Variants in CDH12 observed in about 807,000 individuals in gnomAD.
CDH12 encodes cadherin 12.
CDH12 carries 41 observed loss-of-function variants against 74.1 expected under a neutral mutation model. That is an observed-to-expected ratio of 0.55 (90% CI 0.43 to 0.72). The LOEUF (loss-of-function observed/expected upper bound fraction) is 0.72. CDH12 is among the 30% of genes least tolerant of loss of function. The probability of loss-of-function intolerance (pLI) is 0.00; values close to 1 mark genes in which losing one functional copy is unlikely to be tolerated. For synonymous variants in CDH12, 399 were observed against 355.0 expected, an observed-to-expected ratio of 1.12 and a Z score of -1.39; for missense variants, 945 against 977.2, an observed-to-expected ratio of 0.97 and a Z score of 0.44.
intron 1 of CDH12, among the ~76,000 whole-genome samples, chr5:22,766,751 C>T (rs1009337551): frequency 4.0e-5 from 6 of 151,806 alleles, no homozygotes; most frequent in Non-Finnish European, 2.9e-5. Flanking sequence ...GTTCCCTAAA[C>T]ATTATAGTAC....
chr5:22,000,065 A>G (rs1455850286), intron 5 of CDH12, among the ~76,000 whole-genome samples: 1 of 151,872 alleles, frequency 6.6e-6, no homozygotes, highest in Non-Finnish European at 1.5e-5. Flanking sequence ...GCTGTTATTA[A>G]TGAAGTTCAG....
intron 8 of CDH12, among the ~76,000 whole-genome samples, chr5:21,818,270 C>T (rs202199500): frequency 4.8e-5 from 6 of 125,272 alleles, no homozygotes; most frequent in Non-Finnish European, 1.0e-4. Context: ...TTTAGTTACA[C>T]ATTTGTGGAA....
chr5:22,672,161 A>G (rs1740940333), intron 1 of CDH12, among the ~76,000 whole-genome samples: 1 of 140,774 alleles, frequency 7.1e-6, no homozygotes, highest in Non-Finnish European at 1.5e-5. Context: ...TATATATTAT[A>G]TATATGTATA....
chr5:21,931,023 A>G (rs538689896), intron 6 of CDH12, among the ~76,000 whole-genome samples: 1 of 152,292 alleles, frequency 6.6e-6, no homozygotes, highest in South Asian at 2.1e-4. Context: ...CTCGAGCTTT[A>G]TGTGTATAAA....
At chr5:22,736,735 A>C (rs76460507) in intron 1 of CDH12, among the ~76,000 whole-genome samples, 9,691 of 151,558 alleles carry the variant, frequency 0.064, 356 homozygotes, top group African/African-American at 0.094. Context: ...CACACACACA[A>C]AAAGCCTAGA....
At chr5:22,604,013 T>C (rs1489606531) in intron 1 of CDH12, among the ~76,000 whole-genome samples, 2 of 152,168 alleles carry the variant, frequency 1.3e-5, no homozygotes, top group Non-Finnish European at 1.5e-5. Context: ...CAAGGGAATC[T>C]AGTTCACAGG....
intron 4 of CDH12, among the ~76,000 whole-genome samples, chr5:22,124,399 C>T (rs1377779815): frequency 1.3e-5 from 2 of 152,290 alleles, no homozygotes; most frequent in East Asian, 3.9e-4. Flanking sequence ...GCTGGGATTA[C>T]AGGCGTGAGC....
At chr5:22,605,881 T>C (rs1737088895) in intron 1 of CDH12, among the ~76,000 whole-genome samples, 2 of 152,198 alleles carry the variant, frequency 1.3e-5, no homozygotes. Context: ...GCATTAGCCA[T>C]GGGTCATCTG....
intron 1 of CDH12, among the ~76,000 whole-genome samples, chr5:22,530,761 A>C (rs757794665): frequency 2.6e-5 from 4 of 152,082 alleles, no homozygotes; most frequent in Non-Finnish European, 5.9e-5. Context: ...ACACCACTCA[A>C]ACTTTTAAAT....
At chr5:22,535,180 G>A (rs1737783645) in intron 1 of CDH12, among the ~76,000 whole-genome samples, 3 of 124,908 alleles carry the variant, frequency 2.4e-5, no homozygotes, top group South Asian at 2.6e-4. Context: ...TTTTTGAGAC[G>A]GGGTCTTGCT....
intron 6 of CDH12, among the ~76,000 whole-genome samples, chr5:21,970,964 A>C (rs1756829458): frequency 6.6e-6 from 1 of 151,822 alleles, no homozygotes; most frequent in Admixed American, 6.6e-5. Flanking sequence ...TTCATGTAAA[A>C]TAAAATAGAG....
At chr5:22,350,170 C>T (rs1580551280) in intron 3 of CDH12, among the ~76,000 whole-genome samples, 1 of 152,120 alleles carries the variant, frequency 6.6e-6, no homozygotes, top group Non-Finnish European at 1.5e-5. Flanking sequence ...TGATTCCAGA[C>T]ATTTGATTAA....
rs577916882 is a variant in CDH12, at chr5:22,554,958, G to A, written c.-522-49594C>T. Among the ~76,000 whole-genome samples the A allele has an allele frequency of 2.6e-5, 4 of 152,164 alleles. No individual in the cohort carries two copies. In the East Asian group the frequency reaches 7.7e-4, roughly 29 times the overall value. ...ACAATTATTAAAATTAGTACAAAAA[G>A]CTGTTTACCCAAAGAGCATGAAGAA... On this transcript the variant is annotated intron_variant, in intron 1 of 14. Transcript: ENST00000382254.
intron 2 of CDH12, among the ~76,000 whole-genome samples, chr5:22,415,388 C>A (rs1398579379): frequency 6.6e-6 from 1 of 152,108 alleles, no homozygotes; most frequent in Non-Finnish European, 1.5e-5. Flanking sequence ...CTTTTGTGTC[C>A]ATACTCACCT....
intron 1 of CDH12, among the ~76,000 whole-genome samples, chr5:22,851,669 C>T (rs1581062815): frequency 1.3e-5 from 2 of 152,132 alleles, no homozygotes; most frequent in Admixed American, 1.3e-4. Flanking sequence ...TGGCTATCCA[C>T]TCAACCACTC....
intron 4 of CDH12, among the ~76,000 whole-genome samples, chr5:22,180,030 T>C (rs1170965413): frequency 1.3e-5 from 2 of 152,118 alleles, no homozygotes; most frequent in Non-Finnish European, 2.9e-5. Context: ...GAAAGATAAT[T>C]AAGGATGAAT....
chr5:22,054,238 T>A (rs374036893), intron 5 of CDH12, among the ~76,000 whole-genome samples: 64 of 152,258 alleles, frequency 4.2e-4, no homozygotes, highest in African/African-American at 1.4e-3. Flanking sequence ...CATCATCACC[T>A]CCTCTTAACT....
chr5:22,458,066 G>C (rs999805112), intron 2 of CDH12, among the ~76,000 whole-genome samples: 3 of 151,962 alleles, frequency 2.0e-5, no homozygotes, highest in Non-Finnish European at 2.9e-5. Context: ...TTTTAGTAGA[G>C]ATGGGGTTTC....
intron 1 of CDH12, among the ~76,000 whole-genome samples, chr5:22,566,391 C>T (rs1309188695): frequency 6.6e-6 from 1 of 152,004 alleles, no homozygotes; most frequent in Non-Finnish European, 1.5e-5. Context: ...GCATGCACCA[C>T]CAAGCTCAGC....
Sources: allele counts gnomAD v4.1 joint callset (sites outside exome capture counted in the v4.1 genomes callset), GRCh38; gene constraint gnomAD v4.1.1; transcripts MANE v1.5; gene names NCBI Gene and HGNC (gene_info 2026-07-23, HGNC 2026-07-21).